Variants in FGF12 observed in about 807,000 individuals in gnomAD.
FGF12 encodes fibroblast growth factor 12.
Under a neutral mutation model 23.6 loss-of-function variants are expected in FGF12, and 14 were observed. That is an observed-to-expected ratio of 0.59 (90% confidence interval 0.39 to 0.93). FGF12 has a LOEUF of 0.93. FGF12 is among the 40% of genes least tolerant of loss of function. FGF12 has a pLI of 0.00. For missense variants in FGF12, 175 were observed against 217.8 expected (o/e 0.80, Z 1.24); for synonymous variants, 62 against 77.3 (o/e 0.80, Z 1.04).
intron 2 of FGF12, among the ~76,000 whole-genome samples, chr3:192,657,576 G>C (rs1716485266): frequency 6.6e-6 from 1 of 152,078 alleles, no homozygotes; most frequent in Non-Finnish European, 1.5e-5. Context: ...ATTCCTTTTG[G>C]CTTTATTTCT....
At chr3:192,238,843 T>C (rs1374695829) in intron 4 of FGF12, among the ~76,000 whole-genome samples, 1 of 152,230 alleles carries the variant, frequency 6.6e-6, no homozygotes, top group Non-Finnish European at 1.5e-5. Context: ...TGGCAATCTT[T>C]GGACAGTGCT....
chr3:192,631,326 C>T lies in FGF12; in HGVS notation c.13+95855G>A, dbSNP rs537367937. Among the ~76,000 whole-genome samples the T allele has an allele frequency of 1.7e-4, 26 of 152,298 alleles. 1 individual carries two copies. Among genetic ancestry groups the T allele is most frequent in the Admixed American group, 7.8e-4 (12 of 15,298 alleles). On this transcript the variant is annotated intron_variant, in intron 2 of 5. Coordinates refer to ENST00000445105, the MANE Select transcript of FGF12 (RefSeq NM_004113.6). The stretch of plus-strand genomic sequence containing the variant: ...TTGAGACTAACTGTGTCCTCACACT[C>T]CTCTAGCATCCATCACGACATCTAG...
chr3:192,667,930 A>G (rs570186307), intron 2 of FGF12, among the ~76,000 whole-genome samples: 2 of 152,316 alleles, frequency 1.3e-5, no homozygotes, highest in African/African-American at 2.4e-5. Context: ...TGAAAAGGTA[A>G]AAATTATCAT....
At chr3:192,376,455 C>G (rs1169746881) in intron 2 of FGF12, among the ~76,000 whole-genome samples, 1 of 152,000 alleles carries the variant, frequency 6.6e-6, no homozygotes, top group African/African-American at 2.4e-5. Context: ...CTCTGCCTCC[C>G]AGGTTCAAAC....
chr3:192,444,175 G>A (rs1202414088), intron 2 of FGF12, among the ~76,000 whole-genome samples: 1 of 152,052 alleles, frequency 6.6e-6, no homozygotes. Flanking sequence ...TAAAACCAAC[G>A]CCCAGCCTGC....
intron 4 of FGF12, chr3:192,268,759 T>C: frequency 2.4e-6 from 1 of 422,768 alleles, no homozygotes; most frequent in Non-Finnish European, 4.8e-6. Flanking sequence ...TGTGAGCCGA[T>C]CAAAACTATT....
intron 2 of FGF12, among the ~76,000 whole-genome samples, chr3:192,362,204 A>C (rs1378985078): frequency 6.6e-6 from 1 of 152,100 alleles, no homozygotes; most frequent in Non-Finnish European, 1.5e-5. Context: ...TCAGGGACAC[A>C]CTTGGCTAGC....
intron 2 of FGF12, among the ~76,000 whole-genome samples, chr3:192,496,678 C>T (rs1723967148): frequency 6.6e-6 from 1 of 152,106 alleles, no homozygotes; most frequent in African/African-American, 2.4e-5. Context: ...CTTTGTCACC[C>T]ACTTCTCCGT....
At chr3:192,357,100 A>C (rs1337157045) in intron 3 of FGF12, among the ~76,000 whole-genome samples, 2 of 152,188 alleles carry the variant, frequency 1.3e-5, no homozygotes, top group Admixed American at 6.5e-5. Flanking sequence ...GTAACATGGT[A>C]CCATTAGTAG....
chr3:192,724,096 AAAGGAAGGAAGGAAAGAAG>A (rs1560206535), intron 2 of FGF12, among the ~76,000 whole-genome samples: 1 of 138,472 alleles, frequency 7.2e-6, no homozygotes, highest in Non-Finnish European at 1.5e-5. Flanking sequence ...AGGAAGGAAG[AAAGGAAGGAAGGAAAGAAG>A]GAAGGAAGGA....
At chr3:192,430,313 T>C (rs1411063873) in intron 2 of FGF12, among the ~76,000 whole-genome samples, 2 of 152,154 alleles carry the variant, frequency 1.3e-5, no homozygotes, top group Non-Finnish European at 2.9e-5. Flanking sequence ...ATTTAAAGTA[T>C]CATATCCACA....
At chr3:192,393,737 T>A (rs567423810) in intron 2 of FGF12, among the ~76,000 whole-genome samples, 2 of 152,352 alleles carry the variant, frequency 1.3e-5, no homozygotes, top group East Asian at 3.8e-4. Flanking sequence ...TATATTTTAA[T>A]CATATCCTTC....
chr3:192,568,510 A>G (rs1430894305), intron 2 of FGF12, among the ~76,000 whole-genome samples: 5 of 152,164 alleles, frequency 3.3e-5, no homozygotes, highest in Non-Finnish European at 1.5e-5. Context: ...AGACCAGCCA[A>G]TGGTCACAGT....
In FGF12 at chr3:192,313,486, T is replaced by G. The variant is rs149206777; in HGVS notation, c.228+21875A>C. On this transcript the variant is annotated intron_variant, in intron 4 of 5. Coordinates refer to ENST00000445105, the MANE Select transcript of FGF12 (RefSeq NM_004113.6). ...CGAAGAATAAAGGTTGAAGTAGTAATGCTTATTCATCCTTGCCCTTGCTAC... is the reference window on the plus strand; with the variant it reads ...CGAAGAATAAAGGTTGAAGTAGTAAGGCTTATTCATCCTTGCCCTTGCTAC... Among the ~76,000 whole-genome samples the G allele has an allele frequency of 2.5e-3, 384 of 152,348 alleles. 2 individuals are homozygous for G. Among genetic ancestry groups the G allele is most frequent in the African/African-American group, 9.1e-3 (379 of 41,584 alleles).
At chr3:192,440,449 G>T (rs1722170730) in intron 2 of FGF12, among the ~76,000 whole-genome samples, 1 of 152,120 alleles carries the variant, frequency 6.6e-6, no homozygotes, top group Admixed American at 6.5e-5. Context: ...GGATTTGGGG[G>T]AGAGCAACAA....
chr3:192,365,367 A>G (rs1718931342), intron 2 of FGF12, among the ~76,000 whole-genome samples: 1 of 152,122 alleles, frequency 6.6e-6, no homozygotes, highest in Non-Finnish European at 1.5e-5. Flanking sequence ...GTAATGGGGT[A>G]TTCTGAATGA....
intron 2 of FGF12, among the ~76,000 whole-genome samples, chr3:192,570,497 G>C (rs1313963007): frequency 6.6e-6 from 1 of 152,156 alleles, no homozygotes; most frequent in Non-Finnish European, 1.5e-5. Flanking sequence ...CTGGAGGTGG[G>C]GATTTCATCA....
intron 2 of FGF12, among the ~76,000 whole-genome samples, chr3:192,381,787 T>A (rs1719825810): frequency 6.6e-6 from 1 of 152,090 alleles, no homozygotes; most frequent in Non-Finnish European, 1.5e-5. Context: ...TTTTGGTGAA[T>A]TTTTTTGGTG....
chr3:192,218,947 A>G (rs564915580), intron 4 of FGF12, among the ~76,000 whole-genome samples: 64 of 152,298 alleles, frequency 4.2e-4, no homozygotes, highest in Non-Finnish European at 7.2e-4. Flanking sequence ...TCGGCTGCCT[A>G]TTGTGACCCC....
Sources: allele counts gnomAD v4.1 joint callset (sites outside exome capture counted in the v4.1 genomes callset), GRCh38; gene constraint gnomAD v4.1.1; transcripts MANE v1.5; gene names NCBI Gene and HGNC (gene_info 2026-07-23, HGNC 2026-07-21).